Variants in DDX10 observed in about 807,000 individuals in gnomAD.
The protein encoded by DDX10 is probable ATP-dependent RNA helicase DDX10.
A neutral mutation model predicts 104.3 loss-of-function variants in DDX10; 74 were observed. The ratio of observed to expected loss-of-function variants is 0.71; its 90% confidence interval spans 0.59 to 0.86. The LOEUF (loss-of-function observed/expected upper bound fraction) is 0.86. DDX10 is among the 40% of genes least tolerant of loss of function. The pLI is 0.00. For synonymous variants in DDX10, 351 were observed against 353.4 expected (o/e 0.99, Z 0.08); for missense variants, 952 against 1,040.0 (o/e 0.92, Z 1.16).
chr11:108,754,413 T>G (rs1275401301), intron 13 of DDX10, among the ~76,000 whole-genome samples: 1 of 152,044 alleles, frequency 6.6e-6, no homozygotes, highest in Non-Finnish European at 1.5e-5. Flanking sequence ...ATAATCGAGT[T>G]TTCAGGTGGA....
At chr11:108,686,434 A>G (rs2094244201) in intron 6 of DDX10, among the ~76,000 whole-genome samples, 1 of 152,146 alleles carries the variant, frequency 6.6e-6, no homozygotes, top group South Asian at 2.1e-4. Flanking sequence ...TGATCTTTTT[A>G]CTGTCTCCAT....
intron 13 of DDX10, among the ~76,000 whole-genome samples, chr11:108,803,062 T>C (rs1209731806): frequency 1.3e-5 from 2 of 152,232 alleles, no homozygotes; most frequent in East Asian, 1.9e-4. Context: ...CGATTACACA[T>C]ACATGCTGTC....
intron 13 of DDX10, among the ~76,000 whole-genome samples, chr11:108,765,926 C>T (rs1451826481): frequency 6.6e-6 from 1 of 152,186 alleles, no homozygotes; most frequent in African/African-American, 2.4e-5. Context: ...AGTAGCTTCT[C>T]ATTCATTTGA....
chr11:108,844,921 GCA>G (rs1591833565), intron 15 of DDX10, among the ~76,000 whole-genome samples: 2 of 152,176 alleles, frequency 1.3e-5, no homozygotes, highest in African/African-American at 4.8e-5. Context: ...TTCCTGCCGG[GCA>G]CGGTGGCTCA....
At chr11:108,676,549 G>A (rs1389579401) in intron 3 of DDX10, among the ~76,000 whole-genome samples, 2 of 152,036 alleles carry the variant, frequency 1.3e-5, no homozygotes, top group African/African-American at 4.8e-5. Flanking sequence ...AGGTTCAAGC[G>A]ATTCTTTCTG....
chr11:108,834,820 C>T (rs952007696), intron 13 of DDX10, among the ~76,000 whole-genome samples: 1 of 142,962 alleles, frequency 7.0e-6, no homozygotes, highest in African/African-American at 2.6e-5. Context: ...CCCAGCTACT[C>T]CGGAGGCTGA....
intron 17 of DDX10, chr11:108,921,331 G>A (rs1318203770): frequency 6.6e-6 from 1 of 152,212 alleles, no homozygotes; most frequent in Non-Finnish European, 1.5e-5. Context: ...GTTGCTGCTA[G>A]CATTTGCATA....
At chr11:108,874,482 A>C (rs769824391) in intron 16 of DDX10, among the ~76,000 whole-genome samples, 1 of 152,170 alleles carries the variant, frequency 6.6e-6, no homozygotes, top group Non-Finnish European at 1.5e-5. Flanking sequence ...ACAACATATT[A>C]TTTAGCAGAG....
intron 12 of DDX10, 65 bp from the exon 13 acceptor site, chr11:108,722,932 C>T: frequency 6.7e-7 from 1 of 1,497,094 alleles, no homozygotes; most frequent in South Asian, 1.4e-5. Flanking sequence ...AGAAACTCTT[C>T]TATGACACCT....
In DDX10 at chr11:108,858,701, C is replaced by T. The variant is rs980127013; in HGVS notation, c.2304+6492C>T. ...GAATCCTTCACGCATGCCTTATTTG[C>T]GAAGAATTTAATAAATTCTTAAAGG... On this transcript the variant is annotated intron_variant, in intron 16 of 17. Transcript: ENST00000322536. 5.3e-5 allele frequency among the ~76,000 whole-genome samples: 8 copies of T among 152,100 alleles called. No homozygotes were observed. In the East Asian group the frequency reaches 5.8e-4, roughly 11 times the overall value.
intron 2 of DDX10, 69 bp from the exon 3 acceptor site, chr11:108,675,527 A>G (rs1315861902): frequency 7.8e-6 from 12 of 1,537,332 alleles, no homozygotes; most frequent in Non-Finnish European, 1.1e-5. Flanking sequence ...GGGGGACACA[A>G]CTCACTTAGC....
intron 6 of DDX10, among the ~76,000 whole-genome samples, chr11:108,683,775 GGTACA>G (rs1372134015): frequency 1.1e-4 from 17 of 152,210 alleles, no homozygotes; most frequent in Admixed American, 9.2e-4. Context: ...GTGATTCTGA[GGTACA>G]GTTCTTACAG....
intron 9 of DDX10, among the ~76,000 whole-genome samples, chr11:108,702,709 G>A (rs1370971203): frequency 1.3e-5 from 2 of 152,198 alleles, no homozygotes; most frequent in Non-Finnish European, 2.9e-5. Flanking sequence ...GCTGCAGGAT[G>A]TGGAGATAAG....
At chr11:108,744,769 A>G (rs2094329318) in intron 13 of DDX10, among the ~76,000 whole-genome samples, 1 of 152,238 alleles carries the variant, frequency 6.6e-6, no homozygotes, top group Non-Finnish European at 1.5e-5. Flanking sequence ...AGTGTAAGAA[A>G]GACAATGTAA....
intron 13 of DDX10, among the ~76,000 whole-genome samples, chr11:108,787,548 C>A (rs968040022): frequency 1.6e-4 from 24 of 151,718 alleles, no homozygotes; most frequent in Admixed American, 1.4e-3. Context: ...ATTTTTAATT[C>A]TTTTTTATTT....
At chr11:108,767,094 A>G (rs372699830) in intron 13 of DDX10, among the ~76,000 whole-genome samples, 3 of 152,264 alleles carry the variant, frequency 2.0e-5, no homozygotes, top group African/African-American at 7.2e-5. Flanking sequence ...AGTAGGCACT[A>G]AGTGATGTGG....
intron 13 of DDX10, among the ~76,000 whole-genome samples, chr11:108,794,846 A>C (rs1419132979): frequency 6.8e-6 from 1 of 147,486 alleles, no homozygotes; most frequent in Non-Finnish European, 1.5e-5. Flanking sequence ...TTTTTTTTTG[A>C]GACAGGAGCT....
intron 16 of DDX10, among the ~76,000 whole-genome samples, chr11:108,861,572 A>G (rs991002236): frequency 2.6e-5 from 4 of 152,252 alleles, no homozygotes; most frequent in Admixed American, 1.3e-4. Flanking sequence ...CTCTATTTAC[A>G]TAAAGGTTTT....
chr11:108,765,201 T>G (rs1252770424), intron 13 of DDX10, among the ~76,000 whole-genome samples: 1 of 152,168 alleles, frequency 6.6e-6, no homozygotes, highest in Non-Finnish European at 1.5e-5. Flanking sequence ...TATAACAGTC[T>G]ATTATTTGCT....
Sources: gnomAD v4.1 joint callset for allele counts (sites outside exome capture counted in the v4.1 genomes callset) on GRCh38, gnomAD v4.1.1 for gene constraint, MANE v1.5 for transcripts, NCBI Gene and HGNC (gene_info 2026-07-23, HGNC 2026-07-21) for gene names.